Variants in DCAF4 observed in about 807,000 individuals in gnomAD.
The protein encoded by DCAF4 is DDB1 and CUL4 associated factor 4.
In DCAF4, 37 loss-of-function variants were observed where a neutral mutation model predicts 60.9. That is an observed-to-expected ratio of 0.61 (90% CI 0.47 to 0.80). The LOEUF is 0.80. Among genes scored for constraint, DCAF4 ranks in the 30% least tolerant of loss-of-function variants. The probability of loss-of-function intolerance (pLI) is 0.00; values close to 1 mark genes in which losing one functional copy is unlikely to be tolerated. For synonymous variants in DCAF4, 243 were observed against 254.8 expected, an observed-to-expected ratio of 0.95 and a Z score of 0.44; for missense variants, 577 against 650.0, an observed-to-expected ratio of 0.89 and a Z score of 1.22.
chr14:72,953,631 G>A (rs1891729845), intron 9 of DCAF4, among the ~76,000 whole-genome samples: 1 of 144,260 alleles, frequency 6.9e-6, no homozygotes, highest in African/African-American at 2.6e-5. Flanking sequence ...GATTCCTTGA[G>A]CCTGGGAGGT....
At position 72,940,240 on chromosome 14, in the gene DCAF4, G is replaced by A. The variant is rs202091513; in HGVS notation, c.214G>A (p.Asp72Asn). 1 of 1,614,034 alleles carries A rather than the reference G, an allele frequency of 6.2e-7. No homozygotes were observed. The highest frequency in any genetic ancestry group is 8.5e-7 in the Non-Finnish European group (1 of 1,179,994). Residue 72 changes from aspartate to asparagine, a missense_variant, in exon 4 of 14, where the codon GAC (aspartate) becomes AAC (asparagine). Coordinates refer to ENST00000358377, the MANE Select transcript of DCAF4 (RefSeq NM_015604.4). ...SVPELPGFYFDPEKKRYFRLL... is the reference protein window; with the variant it reads ...SVPELPGFYFNPEKKRYFRLL... ...TAAAGAGCTACCTGGGTTTTACTTT[G>A]ACCCTGAAAAGAAACGCTACTTCCG...
At chr14:72,952,666 T>C (rs932117575) in intron 9 of DCAF4, among the ~76,000 whole-genome samples, 2 of 150,628 alleles carry the variant, frequency 1.3e-5, no homozygotes, top group Non-Finnish European at 2.9e-5. Context: ...TCTGGGGTAC[T>C]GGATTGTTTT....
chr14:72,928,367 G>T (rs1203222649), intron 1 of DCAF4, among the ~76,000 whole-genome samples: 1 of 150,788 alleles, frequency 6.6e-6, no homozygotes, highest in Non-Finnish European at 1.5e-5. Context: ...CTAACTTTTT[G>T]TATTTTAGTA....
chr14:72,940,591 GTTT>G (rs60174440), intron 4 of DCAF4: 167 of 284,962 alleles, frequency 5.9e-4, no homozygotes, highest in South Asian at 1.7e-3. Context: ...TCGATAAGTT[GTTT>G]TTTTTTTTTT....
intron 1 of DCAF4, among the ~76,000 whole-genome samples, chr14:72,928,636 T>C (rs1888050502): frequency 6.6e-6 from 1 of 150,736 alleles, no homozygotes; most frequent in South Asian, 2.1e-4. Context: ...ACCCTAAAAT[T>C]AACTTTTTTA....
At chr14:72,947,773 C>A (rs1233020527) in intron 8 of DCAF4, among the ~76,000 whole-genome samples, 1 of 152,156 alleles carries the variant, frequency 6.6e-6, no homozygotes, top group Non-Finnish European at 1.5e-5. Flanking sequence ...CTCTGGGCCT[C>A]AGGTCCCTGC....
intron 1 of DCAF4, among the ~76,000 whole-genome samples, chr14:72,928,187 C>CTTTTT (rs565229070): frequency 0.19 from 12,811 of 66,522 alleles, 2,432 homozygotes; most frequent in South Asian, 0.24. Context: ...AATCCCCCCA[C>CTTTTT]TTTTTTTTTT....
chr14:72,929,875 T>G lies in DCAF4; in HGVS notation c.-9+3332T>G. The G allele has an allele frequency of 3.4e-6, 5 of 1,473,604 alleles. No individual in the cohort carries two copies. In the South Asian group the frequency reaches 6.0e-5, roughly 18 times the overall value. 91.3% of individuals were successfully genotyped at this position (1,473,604 alleles called of 1,614,324 possible). ...GCTGTGCCTGGGCTTGCTCACGTTCTTGGTCACCTTGTGGCCCTTGTTGAG... is the reference window on the plus strand; with the variant it reads ...GCTGTGCCTGGGCTTGCTCACGTTCGTGGTCACCTTGTGGCCCTTGTTGAG... On this transcript the variant is annotated intron_variant, in intron 1 of 13. Transcript: ENST00000358377.
In DCAF4 at chr14:72,954,393, TCGG is replaced by T. The variant is rs1315823213; in HGVS notation, c.919_921del (p.Arg307del). On this transcript the variant is annotated inframe_deletion, in exon 11 of 14. Transcript: ENST00000358377. ...CATCTCTGTCTCCGCCAGGCTTGTC[TCGG>T]CGGGTCCTGTTGACCAACGTGGTGA... is the stretch of plus-strand genomic sequence containing the variant. The T allele has an allele frequency of 6.2e-7, 1 of 1,613,636 alleles. No individual in the cohort carries two copies. The highest frequency in any genetic ancestry group is 8.5e-7 in the Non-Finnish European group (1 of 1,179,630).
intron 1 of DCAF4, among the ~76,000 whole-genome samples, chr14:72,934,652 G>A (rs1889025850): frequency 6.6e-6 from 1 of 152,180 alleles, no homozygotes; most frequent in Non-Finnish European, 1.5e-5. Flanking sequence ...GCCCAGGCAT[G>A]TGGAGCAGTC....
chr14:72,955,393 G>A (rs1892130251), intron 11 of DCAF4, 130 bp from the exon 12 acceptor site: 1 of 1,113,116 alleles, frequency 9.0e-7, no homozygotes, highest in South Asian at 1.5e-5. Context: ...CCCAAACCCT[G>A]ACCAGCACGT....
intron 11 of DCAF4, 31 bp downstream of exon 11, chr14:72,954,514 A>C (rs377123285): frequency 1.9e-5 from 30 of 1,607,288 alleles, no homozygotes; most frequent in Non-Finnish European, 2.5e-5. Context: ...CAGAATATAA[A>C]AGTTTGCCCC....
At chr14:72,934,024 C>A (rs1198180546) in intron 1 of DCAF4, among the ~76,000 whole-genome samples, 2 of 152,214 alleles carry the variant, frequency 1.3e-5, no homozygotes, top group Non-Finnish European at 2.9e-5. Context: ...TCACTCCTCG[C>A]ACACCCAGAG....
At chr14:72,946,071 GGGGT>G (rs761854002) in intron 7 of DCAF4, 44 bp downstream of exon 7, 2 of 1,606,136 alleles carry the variant, frequency 1.2e-6, no homozygotes, top group Admixed American at 3.4e-5. Context: ...CTTGACCCTG[GGGGT>G]AGTTGGCCAA....
rs756696836 is a variant in DCAF4 at position 72,954,432 on chromosome 14, G to A, written c.954G>A (p.Arg318=). 1 of 1,614,220 alleles carries A rather than the reference G, an allele frequency of 6.2e-7. No homozygotes were observed. ...VLLTNVVTGH[R]QSFGTNSDVL... is the part of the protein sequence containing the mutation. Reference sequence around the variant, plus strand: ...TGACCAACGTGGTGACGGGACACCGGCAGTCCTTTGGGACCAACAGTGATG... The same window carrying A: ...TGACCAACGTGGTGACGGGACACCGACAGTCCTTTGGGACCAACAGTGATG... Residue 318 remains arginine, a synonymous_variant, in exon 11 of 14, where the codon CGG becomes CGA. Transcript: ENST00000358377.
At chr14:72,930,021 A>G (rs1888328291) in intron 1 of DCAF4, 1 of 577,808 alleles carries the variant, frequency 1.7e-6, no homozygotes. Flanking sequence ...AATTCCGGCT[A>G]CTCCGAGGTT....
chr14:72,953,740 T>A (rs1424431037), intron 9 of DCAF4, among the ~76,000 whole-genome samples: 2,438 of 37,274 alleles, frequency 0.065, 656 homozygotes, highest in Non-Finnish European at 0.095. Context: ...AAAATATATA[T>A]ATATATATAT....
intron 1 of DCAF4, among the ~76,000 whole-genome samples, chr14:72,932,900 CT>C (rs1567295640): frequency 1.5e-5 from 2 of 137,506 alleles, no homozygotes; most frequent in Non-Finnish European, 3.3e-5. Flanking sequence ...TTCTTTCTTT[CT>C]TTTTTTTAAT....
intron 13 of DCAF4, among the ~76,000 whole-genome samples, chr14:72,958,340 C>T (rs1163875732): frequency 6.6e-6 from 1 of 152,140 alleles, no homozygotes; most frequent in Non-Finnish European, 1.5e-5. Context: ...TTGAACGTTC[C>T]GTGACATCAA....
Sources: gnomAD v4.1 joint callset for allele counts (sites outside exome capture counted in the v4.1 genomes callset) on GRCh38, gnomAD v4.1.1 for gene constraint, MANE v1.5 for transcripts, NCBI Gene and HGNC (gene_info 2026-07-23, HGNC 2026-07-21) for gene names.